The following SP2 variants were observed in gnomAD, a reference collection of about 807,000 sequenced individuals.
SP2 encodes transcription factor Sp2.
Under a neutral mutation model 50.1 loss-of-function variants are expected in SP2, and 9 were observed. The observed-to-expected ratio is 0.18, with a 90% CI of 0.11 to 0.31. The LOEUF (loss-of-function observed/expected upper bound fraction) is 0.31, where lower values mean the gene tolerates loss of function less well. Ranked by LOEUF, SP2 falls within the 10% of genes least tolerant of loss-of-function variation. The pLI, the probability that SP2 is intolerant of heterozygous loss-of-function variation, is 1.00. For synonymous variants in SP2, 313 were observed against 326.6 expected (o/e 0.96, Z 0.45); for missense variants, 581 against 806.5 (o/e 0.72, Z 3.39).
intron 3 of SP2, 57 bp downstream of exon 3, chr17:47,917,187 T>G (rs2035246680): frequency 1.3e-6 from 2 of 1,505,768 alleles, no homozygotes; most frequent in Non-Finnish European, 9.0e-7. Context: ...CTTTTTGGCT[T>G]GCTTTGAAGA....
chr17:47,906,101 T>G (rs2034750093), intron 1 of SP2, among the ~76,000 whole-genome samples: 1 of 152,170 alleles, frequency 6.6e-6, no homozygotes, highest in South Asian at 2.1e-4. Flanking sequence ...AAAAAGAGCC[T>G]TCTAACCAAA....
At chr17:47,918,092 G>A (rs1460438802) in intron 3 of SP2, among the ~76,000 whole-genome samples, 1 of 151,896 alleles carries the variant, frequency 6.6e-6, no homozygotes, top group Non-Finnish European at 1.5e-5. Flanking sequence ...TGTGTAGCAG[G>A]TGCTACCATT....
Position 47,923,277 on chromosome 17 carries a change from G to A in SP2, c.1372+3G>A. ...TGTCACCATCACCAACACAGGCGGT[G>A]AGGATGGCCCCTGTGGCCAGGGTGT... On this transcript the variant is annotated splice_donor_region_variant and intron_variant, in intron 4 of 6. Coordinates refer to ENST00000376741, the MANE Select transcript of SP2 (RefSeq NM_003110.6). 1.3e-6 allele frequency: 2 copies of A among 1,597,824 alleles called. No homozygotes were observed. Among genetic ancestry groups the A allele is most frequent in the Non-Finnish European group, 1.7e-6 (2 of 1,176,792 alleles).
At chr17:47,910,291 T>C (rs897092248) in intron 1 of SP2, among the ~76,000 whole-genome samples, 4 of 152,166 alleles carry the variant, frequency 2.6e-5, no homozygotes, top group African/African-American at 9.7e-5. Context: ...TAGAAAAATA[T>C]CACGGTCCGT....
At position 47,925,988 on chromosome 17, in the gene SP2, C is replaced by T. The variant is rs377154341; in HGVS notation, c.1741+447C>T. ...CTGGAGTGAAGTGGTGCGATCTCAG[C>T]TCACTGCAGCCTCCACCCCTTGGGT... On this transcript the variant is annotated intron_variant, in intron 6 of 6. Transcript: ENST00000376741. Among the ~76,000 whole-genome samples, 65 of 143,188 alleles carry T rather than the reference C, an allele frequency of 4.5e-4. No homozygotes were observed. In the East Asian group the frequency reaches 0.011, roughly 24 times the overall value. The allele number at this position is 143,188 out of a possible 152,430, so 93.9% of individuals were successfully genotyped here.
intron 3 of SP2, among the ~76,000 whole-genome samples, chr17:47,920,168 G>C (rs2035391147): frequency 6.6e-6 from 1 of 151,286 alleles, no homozygotes; most frequent in South Asian, 2.1e-4. Flanking sequence ...TTGGCCATTG[G>C]CAGCTCTTTT....
Position 47,923,213 on chromosome 17 carries a change from G to C in SP2, c.1311G>C (p.Gln437His), listed in dbSNP as rs1283994334. The change falls in exon 4 of 7, where the codon CAG becomes CAC. Residue 437 changes from glutamine to histidine, a missense_variant. By Grantham distance (24) the Gln-to-His change is conservative. Transcript: ENST00000376741. ...TGGCGGCAGCTGCCCAGGCAATGCA[G>C]ACCATCAACATCAATGGTGTCCAGG... ...AQLAAAAQAM[Q>H]TININGVQVQ... 7 of 1,612,590 alleles carry C rather than the reference G, an allele frequency of 4.3e-6. No individual in the cohort carries two copies. The highest frequency in any genetic ancestry group is 5.9e-6 in the Non-Finnish European group (7 of 1,180,038).
intron 6 of SP2, 110 bp downstream of exon 6, chr17:47,925,651 A>G: frequency 1.2e-6 from 1 of 817,830 alleles, no homozygotes; most frequent in Non-Finnish European, 2.0e-6. Context: ...GAACTGCCAC[A>G]CTGAGCAAAA....
chr17:47,911,721 C>T (rs1474076939), intron 1 of SP2, among the ~76,000 whole-genome samples: 2 of 151,128 alleles, frequency 1.3e-5, no homozygotes, highest in Non-Finnish European at 2.9e-5. Context: ...AGGAGAATGG[C>T]GTGAACCCGG....
At chr17:47,924,399 G>A (rs1159485165) in intron 4 of SP2, among the ~76,000 whole-genome samples, 7 of 152,134 alleles carry the variant, frequency 4.6e-5, no homozygotes, top group Non-Finnish European at 8.8e-5. Flanking sequence ...CAGAGTGCTG[G>A]GATTACAGCT....
At chr17:47,896,336 G>A (rs2143718855) in intron 1 of SP2, 43 bp downstream of exon 1, 1 of 1,234,432 alleles carries the variant, frequency 8.1e-7, no homozygotes, top group Non-Finnish European at 1.0e-6. Context: ...CGGCCCCCAA[G>A]GGTCAGGAAG....
In SP2 at chr17:47,896,650, C is replaced by T. The variant is rs1392475674; in HGVS notation, c.7+357C>T. Among the ~76,000 whole-genome samples the T allele has an allele frequency of 1.6e-4, 24 of 152,350 alleles. No individual in the cohort carries two copies. In the East Asian group the frequency reaches 4.4e-3, roughly 28 times the overall value. On this transcript the variant is annotated intron_variant, in intron 1 of 6. Transcript: ENST00000376741. The stretch of plus-strand genomic sequence containing the variant: ...AACGCCGCTCTCCCGCCTGGGCGAA[C>T]TATGCCTGGGTCGGCTCTGAGGAGG...
chr17:47,904,428 G>A (rs2034677065), intron 1 of SP2, among the ~76,000 whole-genome samples: 1 of 152,110 alleles, frequency 6.6e-6, no homozygotes, highest in African/African-American at 2.4e-5. Context: ...GTAAGTATAG[G>A]TAACTCCTGC....
At chr17:47,913,274 T>C (rs1194401300) in intron 1 of SP2, among the ~76,000 whole-genome samples, 1 of 152,080 alleles carries the variant, frequency 6.6e-6, no homozygotes, top group African/African-American at 2.4e-5. Context: ...CAGGAGTGTT[T>C]TGGCTATTCA....
chr17:47,904,437 G>A (rs2034677310), intron 1 of SP2, among the ~76,000 whole-genome samples: 1 of 152,144 alleles, frequency 6.6e-6, no homozygotes, highest in Admixed American at 6.5e-5. Flanking sequence ...GGTAACTCCT[G>A]CAAGGAGTTT....
At chr17:47,915,862 A>C (rs986468128) in intron 2 of SP2, among the ~76,000 whole-genome samples, 2 of 152,142 alleles carry the variant, frequency 1.3e-5, no homozygotes, top group Non-Finnish European at 2.9e-5. Flanking sequence ...CCTTAGAAAC[A>C]AGGCCAGCGG....
intron 3 of SP2, among the ~76,000 whole-genome samples, chr17:47,919,002 T>TACACAC (rs35792055): frequency 6.6e-6 from 1 of 151,378 alleles, no homozygotes; most frequent in Non-Finnish European, 1.5e-5. Context: ...CAGATGCAAA[T>TACACAC]ACACACACAC....
intron 1 of SP2, among the ~76,000 whole-genome samples, chr17:47,901,163 T>C (rs998150180): frequency 2.0e-5 from 3 of 151,942 alleles, no homozygotes; most frequent in African/African-American, 4.8e-5. Context: ...TTTTTTTTTT[T>C]CTTGAGACGG....
chr17:47,923,097 A>G lies in SP2; in HGVS notation c.1195A>G (p.Lys399Glu). 6.2e-7 allele frequency: 1 copy of G among 1,614,248 alleles called. No individual in the cohort carries two copies. Among genetic ancestry groups the G allele is most frequent in the Non-Finnish European group, 8.5e-7 (1 of 1,180,040 alleles). The change falls in exon 4 of 7, where the codon AAA (lysine) becomes GAA (glutamate). Residue 399 changes from lysine (K) to glutamate (E), a missense_variant. Lys to Glu is a moderately conservative substitution (Grantham distance 56). Around this residue, in one of 2 missense-constraint regions of SP2, gnomAD observed 184 missense variants for 315.5 expected, o/e 0.58. Transcript: ENST00000376741. ...TGCTCCCCATCTGAGTGGGACCAGC[A>G]AAAAGCACTCAGCTGCAATTCTCCG... is the stretch of plus-strand genomic sequence containing the variant. Reference protein sequence around the residue: ...SRAPHLSGTSKKHSAAILRKE... With the variant: ...SRAPHLSGTSEKHSAAILRKE...
Sources: allele counts gnomAD v4.1 joint callset (sites outside exome capture counted in the v4.1 genomes callset), GRCh38; gene constraint gnomAD v4.1.1; regional missense constraint gnomAD v4.1.1; transcripts MANE v1.5; gene names NCBI Gene and HGNC (gene_info 2026-07-23, HGNC 2026-07-21).